The following MPRIP variants were observed in gnomAD, a reference collection of about 807,000 sequenced individuals.
MPRIP encodes myosin phosphatase Rho-interacting protein.
Under a neutral mutation model 234.9 loss-of-function variants are expected in MPRIP, and 59 were observed. The ratio of observed to expected loss-of-function variants is 0.25; its 90% confidence interval spans 0.20 to 0.31. The LOEUF (loss-of-function observed/expected upper bound fraction) is 0.31, where lower values mean the gene tolerates loss of function less well. Among genes scored for constraint, MPRIP ranks in the 10% least tolerant of loss-of-function variants. The pLI is 1.00. For synonymous variants in MPRIP, 1,144 were observed against 1,263.9 expected (o/e 0.91, Z 2.01); for missense variants, 2,436 against 3,071.0 (o/e 0.79, Z 4.89).
chr17:17,092,791 G>A (rs1031626407), intron 3 of MPRIP, among the ~76,000 whole-genome samples: 23 of 152,304 alleles, frequency 1.5e-4, no homozygotes, highest in African/African-American at 5.5e-4. Flanking sequence ...CACAGGTGTA[G>A]GTAATGTCAA....
chr17:17,109,308 G>A (rs2090123505), intron 3 of MPRIP, among the ~76,000 whole-genome samples: 1 of 152,222 alleles, frequency 6.6e-6, no homozygotes, highest in African/African-American at 2.4e-5. Context: ...GAGTCTGCAA[G>A]CCAAGAGGCC....
At chr17:17,176,082 G>A (rs2046247453) in intron 20 of MPRIP, among the ~76,000 whole-genome samples, 1 of 152,218 alleles carries the variant, frequency 6.6e-6, no homozygotes, top group Non-Finnish European at 1.5e-5. Flanking sequence ...AAAAGGGCGG[G>A]CAAGAGAGGC....
intron 23 of MPRIP, among the ~76,000 whole-genome samples, chr17:17,180,897 C>T (rs551815152): frequency 1.3e-5 from 2 of 152,380 alleles, no homozygotes; most frequent in East Asian, 3.9e-4. Context: ...GAGAGCCAGG[C>T]ACCCATCAGC....
chr17:17,189,391 A>T lies in MPRIP; in HGVS notation c.*4497A>T, dbSNP rs2046541551. Reference sequence around the variant, plus strand: ...TTTTTAGTAGAGACGGGGTTTCACCATGTTGGTCAGGATGGTCTCGATTTC... The same window carrying T: ...TTTTTAGTAGAGACGGGGTTTCACCTTGTTGGTCAGGATGGTCTCGATTTC... On this transcript the variant is annotated 3_prime_UTR_variant, in exon 24 of 24. Transcript: ENST00000651222. The T allele has an allele frequency of 6.6e-6, 1 of 151,710 alleles. No homozygotes were observed. Among genetic ancestry groups the T allele is most frequent in the South Asian group, 2.1e-4 (1 of 4,808 alleles). The allele number at this position is 151,710 out of a possible 1,614,324, so 9.4% of individuals were successfully genotyped here.
intron 3 of MPRIP, among the ~76,000 whole-genome samples, chr17:17,104,672 C>T (rs983525723): frequency 9.2e-5 from 14 of 152,162 alleles, no homozygotes; most frequent in African/African-American, 2.4e-4. Flanking sequence ...CTTTCCGCTG[C>T]GTCTGCTCCT....
At chr17:17,052,904 C>T (rs578055279) in intron 1 of MPRIP, among the ~76,000 whole-genome samples, 110 of 152,308 alleles carry the variant, frequency 7.2e-4, no homozygotes, top group African/African-American at 2.3e-3. Flanking sequence ...CACAAGCAAC[C>T]GTGGCGCACT....
At chr17:17,136,548 G>A in intron 6 of MPRIP, 98 bp downstream of exon 6, 10 of 1,181,630 alleles carry the variant, frequency 8.5e-6, no homozygotes, top group East Asian at 5.1e-5. Context: ...GAGCCCAGTC[G>A]CAAGCCTGGA....
chr17:17,161,441 C>A, intron 15 of MPRIP, 85 bp downstream of exon 15: 1 of 919,910 alleles, frequency 1.1e-6, no homozygotes, highest in Non-Finnish European at 1.5e-6. Context: ...TAGGAGTGTG[C>A]AAAACTTGGC....
At chr17:17,161,007 A>G (rs1230020352) in intron 14 of MPRIP, among the ~76,000 whole-genome samples, 1 of 152,202 alleles carries the variant, frequency 6.6e-6, no homozygotes, top group African/African-American at 2.4e-5. Flanking sequence ...GGGAAGGACA[A>G]GGTAGTCCCT....
chr17:17,099,748 A>G (rs545344493), intron 3 of MPRIP, among the ~76,000 whole-genome samples: 1 of 152,310 alleles, frequency 6.6e-6, no homozygotes, highest in African/African-American at 2.4e-5. Context: ...AAAAATGTAG[A>G]CAATAAAAAA....
intron 12 of MPRIP, among the ~76,000 whole-genome samples, chr17:17,152,586 G>A (rs988741541): frequency 1.3e-5 from 2 of 152,226 alleles, no homozygotes; most frequent in African/African-American, 4.8e-5. Flanking sequence ...GGATGAGTGT[G>A]AAAGCATGTC....
In MPRIP at chr17:17,167,092, ATTC is replaced by A. The variant is rs2046016669; in HGVS notation, c.5505_5507del (p.Ser1836del). 2 of 1,303,956 alleles carry A rather than the reference ATTC, an allele frequency of 1.5e-6. No individual in the cohort carries two copies. The highest frequency in any genetic ancestry group is 2.3e-5 in the Admixed American group (1 of 43,536). The allele number at this position is 1,303,956 out of a possible 1,614,324, so 80.8% of individuals were successfully genotyped here. ...ACTTGTTTGGGAGGCCTCGGTCAGT[ATTC>A]TTCATTGTTGGTTCAGGATGCCATT... On this transcript the variant is annotated inframe_deletion, in exon 16 of 24. Transcript: ENST00000651222. The surrounding 1 kb of genome is among the most constrained non-coding windows in gnomAD (Gnocchi z 5.9).
At chr17:17,071,099 T>C (rs891730279) in intron 1 of MPRIP, among the ~76,000 whole-genome samples, 1 of 152,188 alleles carries the variant, frequency 6.6e-6, no homozygotes, top group Non-Finnish European at 1.5e-5. Context: ...TCCTCGTTGC[T>C]GTTGGTGGGA....
At chr17:17,126,664 G>A in intron 3 of MPRIP, 38 bp from the exon 4 acceptor site, 1 of 1,586,740 alleles carries the variant, frequency 6.3e-7, no homozygotes, top group Non-Finnish European at 8.6e-7. Context: ...TGGCCCCATT[G>A]GCTGGCCTCT....
At chr17:17,131,923 G>T (rs2090604727) in intron 5 of MPRIP, among the ~76,000 whole-genome samples, 1 of 152,226 alleles carries the variant, frequency 6.6e-6, no homozygotes, top group Admixed American at 6.5e-5. Flanking sequence ...CTCTGGGGCT[G>T]CCCAAGGGAA....
chr17:17,156,628 G>A (rs55881582), intron 13 of MPRIP, among the ~76,000 whole-genome samples: 3 of 152,160 alleles, frequency 2.0e-5, no homozygotes, highest in African/African-American at 4.8e-5. Context: ...GGAGCCTTGT[G>A]GGGAGGTTTC....
At position 17,068,137 on chromosome 17, in the gene MPRIP, CA is replaced by C. The variant is rs1219257251; in HGVS notation, c.124-7572del. Among the ~76,000 whole-genome samples, 3 of 151,432 alleles carry C rather than the reference CA, an allele frequency of 2.0e-5. No homozygotes were observed. In the East Asian group the frequency reaches 5.8e-4, roughly 29 times the overall value. ...TTTTTTTCTTTTTTGGTCTTGTCAG[CA>C]GTGTTTTTTTGTTTTGTTTTTTGTT... is the stretch of plus-strand genomic sequence containing the variant. On this transcript the variant is annotated intron_variant, in intron 1 of 23. Transcript: ENST00000651222.
At chr17:17,140,542 G>A (rs1467004392) in intron 7 of MPRIP, among the ~76,000 whole-genome samples, 1 of 152,158 alleles carries the variant, frequency 6.6e-6, no homozygotes, top group Non-Finnish European at 1.5e-5. Flanking sequence ...TGGTTGATTA[G>A]AGCAGAATCT....
At chr17:17,137,015 G>A (rs73979092) in intron 6 of MPRIP, among the ~76,000 whole-genome samples, 7,380 of 152,164 alleles carry the variant, frequency 0.049, 615 homozygotes, top group African/African-American at 0.17. Flanking sequence ...ACACAGGCTG[G>A]GTTTTCCCAT....
Sources: gnomAD v4.1 joint callset for allele counts (sites outside exome capture counted in the v4.1 genomes callset) on GRCh38, gnomAD v4.1.1 for gene constraint, Gnocchi (gnomAD v3.1) non-coding constraint, MANE v1.5 for transcripts, NCBI Gene and HGNC (gene_info 2026-07-23, HGNC 2026-07-21) for gene names.